The following GALNT1 variants were observed in gnomAD, a reference collection of about 807,000 sequenced individuals.
GALNT1 encodes the protein polypeptide N-acetylgalactosaminyltransferase 1, also known as GalNAc transferase 1.
In GALNT1, 17 loss-of-function variants were observed where a neutral mutation model predicts 65.7. The observed-to-expected ratio is 0.26, with a 90% confidence interval of 0.18 to 0.39. GALNT1 has a LOEUF of 0.39. Ranked by LOEUF, GALNT1 falls within the 10% of genes least tolerant of loss-of-function variation. The pLI, the probability that GALNT1 is intolerant of heterozygous loss-of-function variation, is 1.00. For missense variants in GALNT1, 460 were observed against 672.8 expected (o/e 0.68, Z 3.50); for synonymous variants, 210 against 219.7 (o/e 0.96, Z 0.39).
At chr18:35,666,120 G>GA (rs1352046217) in intron 3 of GALNT1, among the ~76,000 whole-genome samples, 1 of 152,108 alleles carries the variant, frequency 6.6e-6, no homozygotes, top group African/African-American at 2.4e-5. Flanking sequence ...CAATTGATAG[G>GA]AAGTTTGGGA....
At chr18:35,594,831 G>T (rs1327958565) in intron 1 of GALNT1, among the ~76,000 whole-genome samples, 1 of 152,154 alleles carries the variant, frequency 6.6e-6, no homozygotes, top group Non-Finnish European at 1.5e-5. Flanking sequence ...TTATGCCTGG[G>T]TTTGGTTTTG....
chr18:35,662,710 C>T (rs2047494538), intron 2 of GALNT1, among the ~76,000 whole-genome samples: 1 of 152,090 alleles, frequency 6.6e-6, no homozygotes. Context: ...TATTTTCATC[C>T]CATTTTTGAC....
chr18:35,653,637 C>T (rs987160819), intron 1 of GALNT1, among the ~76,000 whole-genome samples: 1 of 152,216 alleles, frequency 6.6e-6, no homozygotes, highest in African/African-American at 2.4e-5. Context: ...GCAGGAGATT[C>T]TCTACCTCTC....
chr18:35,614,279 G>A (rs1358643474), intron 1 of GALNT1, among the ~76,000 whole-genome samples: 2 of 152,052 alleles, frequency 1.3e-5, no homozygotes, highest in Admixed American at 6.5e-5. Context: ...CCAGGAAGGC[G>A]AGCTTGGTTC....
At chr18:35,676,019 A>G (rs1598802869) in intron 3 of GALNT1, among the ~76,000 whole-genome samples, 1 of 152,140 alleles carries the variant, frequency 6.6e-6, no homozygotes, top group Admixed American at 6.5e-5. Context: ...TTGATGGGAA[A>G]CTATTTTCAG....
At position 35,629,282 on chromosome 18, in the gene GALNT1, A is replaced by G. The variant is rs373803300; in HGVS notation, c.-103-25278A>G. 4.5e-4 allele frequency among the ~76,000 whole-genome samples: 69 copies of G among 152,334 alleles called. No individual in the cohort carries two copies. In the East Asian group the frequency reaches 0.012, roughly 27 times the overall value. The stretch of plus-strand genomic sequence containing the variant: ...CATAATTGTCAGATTCACCAAAGTC[A>G]AAATGAAGGAAAAAATATTAAGGGC... On this transcript the variant is annotated intron_variant, in intron 1 of 11. Coordinates refer to ENST00000269195, the MANE Select transcript of GALNT1 (RefSeq NM_020474.4).
intron 1 of GALNT1, among the ~76,000 whole-genome samples, chr18:35,634,247 T>C (rs982820063): frequency 6.6e-6 from 1 of 152,230 alleles, no homozygotes; most frequent in Non-Finnish European, 1.5e-5. Context: ...GCTCAGGTTT[T>C]TGCAAATACA....
intron 2 of GALNT1, among the ~76,000 whole-genome samples, chr18:35,657,924 G>A (rs1338430976): frequency 2.0e-5 from 3 of 152,086 alleles, no homozygotes; most frequent in Non-Finnish European, 4.4e-5. Context: ...TTCAGGAAGA[G>A]GTTTAAACTA....
At chr18:35,642,294 T>C (rs913195133) in intron 1 of GALNT1, among the ~76,000 whole-genome samples, 3 of 152,202 alleles carry the variant, frequency 2.0e-5, no homozygotes, top group African/African-American at 7.2e-5. Flanking sequence ...TGAAATGGAA[T>C]TGGATGCATG....
chr18:35,678,026 G>T (rs1240292756), intron 4 of GALNT1, among the ~76,000 whole-genome samples: 1 of 151,854 alleles, frequency 6.6e-6, no homozygotes. Context: ...CTATTATGCA[G>T]GACAGTGAAA....
At chr18:35,601,800 C>G (rs1375693122) in intron 1 of GALNT1, among the ~76,000 whole-genome samples, 1 of 152,082 alleles carries the variant, frequency 6.6e-6, no homozygotes, top group Non-Finnish European at 1.5e-5. Flanking sequence ...TGAGTTAGGT[C>G]CCTTTGGTCT....
chr18:35,692,267 G>A lies in GALNT1; in HGVS notation c.1246G>A (p.Glu416Lys). 7 of 1,602,848 alleles carry A rather than the reference G, an allele frequency of 4.4e-6. No individual in the cohort carries two copies. The highest frequency in any genetic ancestry group is 6.0e-6 in the Non-Finnish European group (7 of 1,170,518). The change falls in exon 9 of 12, where the codon GAG (glutamate) becomes AAG (lysine). Residue 416 changes from glutamate to lysine, a missense_variant. By Grantham distance (56) the Glu-to-Lys change is moderately conservative. Coordinates refer to ENST00000269195, the MANE Select transcript of GALNT1 (RefSeq NM_020474.4). Reference sequence around the variant, plus strand: ...ATGCAAACCTTTTTCCTGGTACCTAGAGAATATATATCCTGATTCTCAAAT... The same window carrying A: ...ATGCAAACCTTTTTCCTGGTACCTAAAGAATATATATCCTGATTCTCAAAT... ...LQCKPFSWYL[E>K]NIYPDSQIPR...
intron 9 of GALNT1, among the ~76,000 whole-genome samples, chr18:35,694,172 T>G (rs1175692156): frequency 6.6e-6 from 1 of 152,200 alleles, no homozygotes; most frequent in African/African-American, 2.4e-5. Flanking sequence ...TGTTAAAAAC[T>G]CTGTTTTGAA....
chr18:35,638,470 A>C (rs560967673), intron 1 of GALNT1, among the ~76,000 whole-genome samples: 218 of 149,982 alleles, frequency 1.5e-3, no homozygotes, highest in African/African-American at 5.2e-3. Flanking sequence ...CCCACCCCAC[A>C]CACACACACA....
At chr18:35,704,895 C>A (rs1205567293) in intron 11 of GALNT1, among the ~76,000 whole-genome samples, 1 of 152,126 alleles carries the variant, frequency 6.6e-6, no homozygotes, top group African/African-American at 2.4e-5. Context: ...CTGCCCACCT[C>A]GGCCTCCCAA....
At chr18:35,686,456 T>C (rs1479249091) in intron 5 of GALNT1, among the ~76,000 whole-genome samples, 1 of 152,252 alleles carries the variant, frequency 6.6e-6, no homozygotes, top group East Asian at 1.9e-4. Context: ...TCAAGACTTA[T>C]TTTAAAGCTG....
intron 6 of GALNT1, among the ~76,000 whole-genome samples, chr18:35,688,287 CT>C (rs894027611): frequency 6.6e-6 from 1 of 151,898 alleles, no homozygotes; most frequent in Admixed American, 6.6e-5. Flanking sequence ...AAGTCCAAAC[CT>C]TTTTTGGAAA....
intron 4 of GALNT1, among the ~76,000 whole-genome samples, chr18:35,679,784 A>G (rs1441532257): frequency 6.6e-6 from 1 of 152,086 alleles, no homozygotes; most frequent in Non-Finnish European, 1.5e-5. Flanking sequence ...CTTTGGCTCC[A>G]TTGTTTAAGT....
intron 2 of GALNT1, among the ~76,000 whole-genome samples, chr18:35,658,834 C>T (rs955516539): frequency 1.3e-5 from 2 of 151,870 alleles, no homozygotes; most frequent in Non-Finnish European, 2.9e-5. Context: ...CCCAGCCTCC[C>T]GAGTTGCTGG....
Sources: gnomAD v4.1 joint callset for allele counts (sites outside exome capture counted in the v4.1 genomes callset) on GRCh38, gnomAD v4.1.1 for gene constraint, MANE v1.5 for transcripts, NCBI Gene and HGNC (gene_info 2026-07-23, HGNC 2026-07-21) for gene names.